Variants in NKD1 observed in about 807,000 individuals in gnomAD.
The protein encoded by NKD1 is NKD inhibitor of Wnt signaling pathway 1, also known as protein naked cuticle homolog 1.
A neutral mutation model predicts 56.0 loss-of-function variants in NKD1; 21 were observed. The observed-to-expected ratio is 0.38, with a 90% confidence interval of 0.27 to 0.54. The LOEUF (loss-of-function observed/expected upper bound fraction) is 0.54. NKD1 is among the 20% of genes least tolerant of loss of function. NKD1 has a pLI of 0.82. For synonymous variants in NKD1, 263 were observed against 265.7 expected (o/e 0.99, Z 0.10); for missense variants, 578 against 642.7 (o/e 0.90, Z 1.09).
rs1962373872 is a variant in NKD1 at position 50,632,712 on chromosome 16, C to T, written c.823+304C>T. ...TCCCGGGGCAACCACTTTGACCTCT[C>T]CTGGCTGTTTCTTCCAGCAAGAACC... On this transcript the variant is annotated intron_variant, in intron 9 of 9. Transcript: ENST00000268459. This position sits in a 1 kb window ranked among gnomAD's most constrained non-coding sequence, Gnocchi z 4.1. Among the ~76,000 whole-genome samples, 1 of 150,922 alleles carries T rather than the reference C, an allele frequency of 6.6e-6. No individual in the cohort carries two copies. The highest frequency in any genetic ancestry group is 2.1e-4 in the South Asian group (1 of 4,676).
rs771683069 is a variant in NKD1 at position 50,633,404 on chromosome 16, G to C, written c.1036G>C (p.Val346Leu). The change falls in exon 10 of 10, where the codon GTG (valine) becomes CTG (leucine). Residue 346 changes from valine to leucine, a missense_variant. By Grantham distance (32) the Val-to-Leu change is conservative. Coordinates refer to ENST00000268459, the MANE Select transcript of NKD1 (RefSeq NM_033119.5). This position sits in a 1 kb window ranked among gnomAD's most constrained non-coding sequence, Gnocchi z 4.9. ...RGTQDGSKHFVRSPKAQGKSV... is the reference protein window; with the variant it reads ...RGTQDGSKHFLRSPKAQGKSV... ...CACCCAGGACGGGAGCAAGCACTTTGTGAGGTCCCCCAAGGCCCAGGGCAA... is the reference window on the plus strand; with the variant it reads ...CACCCAGGACGGGAGCAAGCACTTTCTGAGGTCCCCCAAGGCCCAGGGCAA... 4 of 1,613,804 alleles carry C rather than the reference G, an allele frequency of 2.5e-6. No individual in the cohort carries two copies. The highest frequency in any genetic ancestry group is 3.4e-6 in the Non-Finnish European group (4 of 1,179,836).
chr16:50,581,442 G>A (rs1339764354), intron 3 of NKD1, among the ~76,000 whole-genome samples: 1 of 152,200 alleles, frequency 6.6e-6, no homozygotes, highest in African/African-American at 2.4e-5. Context: ...GCAGGGTTTT[G>A]AGTGCTCTCA....
intron 3 of NKD1, chr16:50,575,350 C>T (rs556668456): frequency 7.1e-6 from 7 of 985,248 alleles, no homozygotes; most frequent in East Asian, 2.3e-4. Flanking sequence ...AGGCCAGAGC[C>T]GGCTTAGGGC....
chr16:50,548,805 C>T, intron 2 of NKD1, 56 bp downstream of exon 2: 4 of 1,341,618 alleles, frequency 3.0e-6, no homozygotes, highest in Non-Finnish European at 3.8e-6. Flanking sequence ...ACCGCGGCCG[C>T]GGCAGAACGG....
At chr16:50,626,080 C>T (rs924399523) in intron 6 of NKD1, among the ~76,000 whole-genome samples, 3 of 152,226 alleles carry the variant, frequency 2.0e-5, no homozygotes, top group Non-Finnish European at 4.4e-5. Flanking sequence ...TGCTAAGGGC[C>T]CTGCCAGTGG....
intron 3 of NKD1, among the ~76,000 whole-genome samples, chr16:50,560,730 A>G (rs1960605219): frequency 6.6e-6 from 1 of 151,780 alleles, no homozygotes; most frequent in Non-Finnish European, 1.5e-5. Flanking sequence ...AGAAAACATT[A>G]TATATAGTAA....
At chr16:50,579,303 C>G (rs1480226510) in intron 3 of NKD1, among the ~76,000 whole-genome samples, 1 of 147,272 alleles carries the variant, frequency 6.8e-6, no homozygotes, top group Non-Finnish European at 1.5e-5. Flanking sequence ...CTTACTCCTG[C>G]GGGCTACCCG....
intron 3 of NKD1, among the ~76,000 whole-genome samples, chr16:50,584,345 T>A (rs1377650414): frequency 6.6e-6 from 1 of 152,222 alleles, no homozygotes; most frequent in East Asian, 1.9e-4. Context: ...GTCACGTGGC[T>A]AAGCCCAGTC....
chr16:50,607,003 G>A (rs764272178), intron 3 of NKD1: 21 of 457,030 alleles, frequency 4.6e-5, no homozygotes, highest in Non-Finnish European at 7.0e-5. Context: ...TACAAGCCCA[G>A]GATATGTTCG....
At chr16:50,621,926 C>T (rs1041096186) in intron 5 of NKD1, among the ~76,000 whole-genome samples, 9 of 152,258 alleles carry the variant, frequency 5.9e-5, no homozygotes, top group Non-Finnish European at 1.2e-4. Context: ...AGCCCAGCCC[C>T]AGCCCCTCCA....
At chr16:50,596,004 A>G (rs1961464148) in intron 3 of NKD1, among the ~76,000 whole-genome samples, 1 of 152,196 alleles carries the variant, frequency 6.6e-6, no homozygotes, top group African/African-American at 2.4e-5. Flanking sequence ...GCTCCCCCTG[A>G]GCCCCCGATG....
rs138964473 is a variant in NKD1, at chr16:50,598,262, T to TGTGTGTGTGTGTGCGCGCGC, written c.193-10031_193-10030insTGTGTGTGTGTGCGCGCGCG. On this transcript the variant is annotated intron_variant, in intron 3 of 9. Coordinates refer to ENST00000268459, the MANE Select transcript of NKD1 (RefSeq NM_033119.5). This position sits in a 1 kb window ranked among gnomAD's most constrained non-coding sequence, Gnocchi z 4.2. ...GTGTGTGTGTGTGTGTGTGTGTGTGTGCGCGCACACCTGTGCTCATGGACA... is the reference window on the plus strand; with the variant it reads ...GTGTGTGTGTGTGTGTGTGTGTGTGTGTGTGTGTGTGTGCGCGCGCGCGCGCACACCTGTGCTCATGGACA... 2.7e-4 allele frequency among the ~76,000 whole-genome samples: 40 copies of TGTGTGTGTGTGTGCGCGCGC among 148,662 alleles called. No individual in the cohort carries two copies. The highest frequency in any genetic ancestry group is 1.0e-3 in the African/African-American group (39 of 39,154).
intron 4 of NKD1, among the ~76,000 whole-genome samples, chr16:50,614,152 G>C (rs1014013828): frequency 6.6e-6 from 1 of 152,194 alleles, no homozygotes; most frequent in African/African-American, 2.4e-5. Context: ...ACTGCCCTGG[G>C]TGAGTGAATT....
intron 3 of NKD1, among the ~76,000 whole-genome samples, chr16:50,563,343 C>T: frequency 6.6e-6 from 1 of 151,604 alleles, no homozygotes; most frequent in African/African-American, 2.4e-5. Flanking sequence ...GGCTAAACTC[C>T]ATCCTCAATG....
At position 50,549,526 on chromosome 16, in the gene NKD1, T is replaced by C. The variant is rs774056742; in HGVS notation, c.163T>C (p.Leu55=). The change falls in exon 3 of 10, where the codon TTG becomes CTG. Residue 55 remains leucine (L), a synonymous_variant. Transcript: ENST00000268459. ...GGVSGPRQLR[L]AGTIGRSTRE... ...TGTCTCGGGACCCCGACAGCTGCGG[T>C]TGGCGGGCACCATAGGCCGAAGCAC... is the stretch of plus-strand genomic sequence containing the variant. 2.5e-6 allele frequency: 4 copies of C among 1,606,686 alleles called. No homozygotes were observed. The Admixed American group carries it at 5.0e-5, about 20-fold the overall frequency.
rs541884058 is a variant in NKD1, at chr16:50,620,349, C to T, written c.260-1253C>T. Among the ~76,000 whole-genome samples the T allele has an allele frequency of 5.3e-5, 8 of 152,246 alleles. No homozygotes were observed. In the East Asian group the frequency reaches 5.8e-4, roughly 11 times the overall value. ...TGTGAGTGTGGTGGGAGTGTGGGAT[C>T]GGAGAGACACAAATCCCCCATCTAG... On this transcript the variant is annotated intron_variant, in intron 4 of 9. Coordinates refer to ENST00000268459, the MANE Select transcript of NKD1 (RefSeq NM_033119.5).
chr16:50,589,710 T>C (rs1163956563), intron 3 of NKD1, among the ~76,000 whole-genome samples: 1 of 28,494 alleles, frequency 3.5e-5, no homozygotes, highest in Non-Finnish European at 7.1e-5. Context: ...TTCTCTTCTC[T>C]TCTCTTCTCT....
Position 50,643,597 on chromosome 16 carries a change from C to G in NKD1, c.*9816C>G, listed in dbSNP as rs372509472. ...TGTTTGTAACTGTAGTTGATTCTCACTCATCGCAGTAGTTACATCTTATAA... is the reference window on the plus strand; with the variant it reads ...TGTTTGTAACTGTAGTTGATTCTCAGTCATCGCAGTAGTTACATCTTATAA... On this transcript the variant is annotated 3_prime_UTR_variant, in exon 10 of 10. Transcript: ENST00000268459. The G allele has an allele frequency of 1.3e-5, 2 of 152,220 alleles. No individual in the cohort carries two copies. The highest frequency in any genetic ancestry group is 4.8e-5 in the African/African-American group (2 of 41,466). 9.4% of individuals were successfully genotyped at this position (152,220 alleles called of 1,614,324 possible).
intron 3 of NKD1, among the ~76,000 whole-genome samples, chr16:50,579,269 T>C (rs1296648801): frequency 6.9e-6 from 1 of 144,764 alleles, no homozygotes; most frequent in African/African-American, 2.6e-5. Flanking sequence ...ACACACGCAC[T>C]CTAACCCGCC....
Sources: gnomAD v4.1 joint callset for allele counts (sites outside exome capture counted in the v4.1 genomes callset) on GRCh38, gnomAD v4.1.1 for gene constraint, Gnocchi (gnomAD v3.1) non-coding constraint, MANE v1.5 for transcripts, NCBI Gene and HGNC (gene_info 2026-07-23, HGNC 2026-07-21) for gene names.